Variants in CLASP1 observed in about 807,000 individuals in gnomAD.
CLASP1 encodes CLIP-associating protein 1.
Under a neutral mutation model 192.3 loss-of-function variants are expected in CLASP1, and 38 were observed. The ratio of observed to expected loss-of-function variants is 0.20; its 90% CI spans 0.15 to 0.26. The LOEUF is 0.26. Among genes scored for constraint, CLASP1 ranks in the 10% least tolerant of loss-of-function variants. The pLI, the probability that CLASP1 is intolerant of heterozygous loss-of-function variation, is 1.00. For synonymous variants in CLASP1, 691 were observed against 712.8 expected, an observed-to-expected ratio of 0.97 and a Z score of 0.49; for missense variants, 1,433 against 1,932.5, an observed-to-expected ratio of 0.74 and a Z score of 4.85.
chr2:121,533,472 A>G (rs1339956787), intron 2 of CLASP1, among the ~76,000 whole-genome samples: 4 of 152,204 alleles, frequency 2.6e-5, no homozygotes, highest in Admixed American at 6.5e-5. Context: ...AGGGTTAAAT[A>G]AAGTGTGTAT....
intron 2 of CLASP1, among the ~76,000 whole-genome samples, chr2:121,557,539 G>A (rs188732696): frequency 4.5e-4 from 68 of 151,224 alleles, no homozygotes; most frequent in East Asian, 2.9e-3. Context: ...ACCCAAGATC[G>A]CACCACTGCA....
At chr2:121,371,011 C>T (rs932435682) in intron 34 of CLASP1, among the ~76,000 whole-genome samples, 7 of 152,156 alleles carry the variant, frequency 4.6e-5, no homozygotes, top group Admixed American at 2.0e-4. Context: ...ATGCCCTATG[C>T]TCAACAGATG....
chr2:121,389,866 T>G (rs980128628), intron 30 of CLASP1, among the ~76,000 whole-genome samples: 3 of 152,158 alleles, frequency 2.0e-5, no homozygotes, highest in African/African-American at 7.2e-5. Context: ...AAATATACAT[T>G]TTTTTATTTT....
intron 9 of CLASP1, among the ~76,000 whole-genome samples, chr2:121,463,849 T>TTTA (rs1271121917): frequency 2.0e-5 from 3 of 151,784 alleles, no homozygotes; most frequent in African/African-American, 7.3e-5. Context: ...TTTATTTTAT[T>TTTA]TTATTATTAT....
chr2:121,444,502 T>C (rs1300597432), intron 19 of CLASP1, among the ~76,000 whole-genome samples: 2 of 152,160 alleles, frequency 1.3e-5, no homozygotes, highest in African/African-American at 2.4e-5. Flanking sequence ...ATAATTGACA[T>C]TGAAATTTAC....
At chr2:121,380,703 C>T (rs1480752554) in intron 33 of CLASP1, among the ~76,000 whole-genome samples, 1 of 152,158 alleles carries the variant, frequency 6.6e-6, no homozygotes, top group African/African-American at 2.4e-5. Flanking sequence ...TGGCACAGAA[C>T]AAATAGACAG....
At chr2:121,401,145 T>C (rs1478137140) in intron 28 of CLASP1, among the ~76,000 whole-genome samples, 1 of 152,232 alleles carries the variant, frequency 6.6e-6, no homozygotes, top group Non-Finnish European at 1.5e-5. Flanking sequence ...GAAAAATTTC[T>C]AGTAAGACTT....
rs543491075 is a variant in CLASP1 at position 121,612,279 on chromosome 2, AGAG to A, written c.-285-6102_-285-6100del. ...AGGAGTTATAGGAGGAAGAGGAACTAGAGGAGGAGGAGGAGTTACAAGAAGAAG... is the reference window on the plus strand; with the variant it reads ...AGGAGTTATAGGAGGAAGAGGAACTAGAGGAGGAGGAGTTACAAGAAGAAG... On this transcript the variant is annotated intron_variant, in intron 1 of 39. Coordinates refer to ENST00000263710, the Ensembl canonical transcript of CLASP1. Among the ~76,000 whole-genome samples the A allele has an allele frequency of 1.3e-4, 18 of 140,084 alleles. No homozygotes were observed. In the East Asian group the frequency reaches 1.8e-3, roughly 14 times the overall value. The allele number at this position is 140,084 out of a possible 152,430, so 91.9% of individuals were successfully genotyped here. A position where few individuals can be genotyped will look rare whatever the true frequency, so the allele number is the denominator to read the frequency against.
chr2:121,537,445 T>C (rs1378384950), intron 2 of CLASP1, among the ~76,000 whole-genome samples: 1 of 149,370 alleles, frequency 6.7e-6, no homozygotes, highest in Non-Finnish European at 1.5e-5. Flanking sequence ...GAAGAGATAA[T>C]GGCTGAAAAT....
intron 33 of CLASP1, among the ~76,000 whole-genome samples, chr2:121,381,414 G>A (rs1223643829): frequency 6.6e-6 from 1 of 152,048 alleles, no homozygotes; most frequent in South Asian, 2.1e-4. Context: ...CAGGTTTCTA[G>A]GGAAGAGATT....
chr2:121,578,142 G>A (rs1286771344), intron 2 of CLASP1, among the ~76,000 whole-genome samples: 5 of 151,900 alleles, frequency 3.3e-5, no homozygotes, highest in Admixed American at 2.6e-4. Flanking sequence ...CATGTTGCTC[G>A]GGCTGGTCTC....
intron 6 of CLASP1, among the ~76,000 whole-genome samples, chr2:121,518,221 A>AC (rs1464025746): frequency 8.6e-6 from 1 of 116,052 alleles, no homozygotes; most frequent in Non-Finnish European, 1.7e-5. Flanking sequence ...ACAGAGCGAG[A>AC]CCCCCGTCTC....
intron 24 of CLASP1, among the ~76,000 whole-genome samples, chr2:121,409,865 A>G (rs1476812777): frequency 1.3e-5 from 2 of 152,212 alleles, no homozygotes; most frequent in Non-Finnish European, 2.9e-5. Flanking sequence ...GTTGAGGAAT[A>G]CAGGTGGCCA....
chr2:121,419,144 A>C (rs920429520), intron 22 of CLASP1, among the ~76,000 whole-genome samples: 2 of 152,224 alleles, frequency 1.3e-5, no homozygotes, highest in African/African-American at 4.8e-5. Flanking sequence ...TGTTTCTTAG[A>C]AAGGTAATTT....
intron 1 of CLASP1, among the ~76,000 whole-genome samples, chr2:121,627,267 T>C (rs770201679): frequency 5.3e-5 from 8 of 152,190 alleles, no homozygotes; most frequent in Non-Finnish European, 1.0e-4. Context: ...CTTGTGAATC[T>C]ATAATTATTT....
intron 2 of CLASP1, among the ~76,000 whole-genome samples, chr2:121,572,126 A>T (rs2060030976): frequency 6.6e-6 from 1 of 152,170 alleles, no homozygotes; most frequent in Non-Finnish European, 1.5e-5. Context: ...TGACAGGTAG[A>T]CACTTCAGAT....
intron 38 of CLASP1, among the ~76,000 whole-genome samples, chr2:121,347,459 A>G (rs1269131739): frequency 6.6e-6 from 1 of 152,240 alleles, no homozygotes; most frequent in Non-Finnish European, 1.5e-5. Flanking sequence ...AACATTGTAG[A>G]GGAGAGAGAA....
chr2:121,450,020 T>C (rs2085120614), intron 16 of CLASP1, among the ~76,000 whole-genome samples: 1 of 152,142 alleles, frequency 6.6e-6, no homozygotes, highest in Admixed American at 6.6e-5. Flanking sequence ...TTCTGGTATT[T>C]ACAGTCACAC....
intron 38 of CLASP1, among the ~76,000 whole-genome samples, chr2:121,347,792 C>T (rs2063643484): frequency 1.3e-5 from 2 of 152,154 alleles, no homozygotes; most frequent in East Asian, 3.9e-4. Context: ...ATAATCTAGT[C>T]CTCAACAATT....
Sources: allele counts gnomAD v4.1 joint callset (sites outside exome capture counted in the v4.1 genomes callset), GRCh38; gene constraint gnomAD v4.1.1; transcripts MANE v1.5; gene names NCBI Gene and HGNC (gene_info 2026-07-23, HGNC 2026-07-21).